Variants in NEXN observed in about 807,000 individuals in gnomAD.
NEXN encodes nexilin F-actin binding protein, also known as nexilin.
Under a neutral mutation model 92.6 loss-of-function variants are expected in NEXN, and 65 were observed. The ratio of observed to expected loss-of-function variants is 0.70; its 90% CI spans 0.57 to 0.86. The LOEUF is 0.86. Ranked by LOEUF, NEXN falls within the 40% of genes least tolerant of loss-of-function variation. The pLI is 0.00. For missense variants in NEXN, 778 were observed against 771.1 expected (o/e 1.01, Z -0.11); for synonymous variants, 254 against 242.5 (o/e 1.05, Z -0.44).
At chr1:77,915,944 G>C (rs901874332) in intron 1 of NEXN, 111 bp from the exon 2 acceptor site, 3 of 269,304 alleles carry the variant, frequency 1.1e-5, no homozygotes, top group Non-Finnish European at 2.1e-5. Flanking sequence ...TTACTTGCTT[G>C]AATCATGTCA....
chr1:77,908,587 A>ATGGG (rs1275946668), intron 1 of NEXN, among the ~76,000 whole-genome samples: 1 of 151,348 alleles, frequency 6.6e-6, no homozygotes, highest in African/African-American at 2.4e-5. Context: ...TTTAGTAGAG[A>ATGGG]TGGGCTTTCT....
chr1:77,936,331 T>TA (rs1442730035), intron 11 of NEXN, among the ~76,000 whole-genome samples: 1 of 152,234 alleles, frequency 6.6e-6, no homozygotes, highest in African/African-American at 2.4e-5. Context: ...CTCACGCCTA[T>TA]AATCCCAGCA....
intron 1 of NEXN, among the ~76,000 whole-genome samples, chr1:77,901,519 T>C (rs1216710314): frequency 1.3e-5 from 2 of 152,158 alleles, no homozygotes; most frequent in Non-Finnish European, 2.9e-5. Context: ...CAACCTTATC[T>C]TTTGGTCACT....
intron 11 of NEXN, among the ~76,000 whole-genome samples, chr1:77,940,679 A>G (rs1651190116): frequency 6.6e-6 from 1 of 152,226 alleles, no homozygotes; most frequent in South Asian, 2.1e-4. Context: ...AAACAACAAA[A>G]AAAGTGTATA....
intron 6 of NEXN, 152 bp from the exon 7 acceptor site, chr1:77,926,262 G>A: frequency 1.8e-6 from 1 of 569,906 alleles, no homozygotes; most frequent in East Asian, 3.0e-5. Context: ...AGAATTTAGA[G>A]TAGGAGATAT....
chr1:77,909,605 C>T (rs910887443), intron 1 of NEXN, among the ~76,000 whole-genome samples: 5 of 151,934 alleles, frequency 3.3e-5, no homozygotes, highest in African/African-American at 1.2e-4. Flanking sequence ...CTTTAATTTA[C>T]TCCTTTATTT....
intron 1 of NEXN, among the ~76,000 whole-genome samples, chr1:77,915,486 G>A (rs1392018363): frequency 4.6e-5 from 7 of 152,078 alleles, no homozygotes; most frequent in Admixed American, 2.0e-4. Flanking sequence ...AAAATTAGCC[G>A]GACGTGGCGG....
rs547659912 is a variant in NEXN, at chr1:77,912,003, C to T, written c.-52-4052C>T. On this transcript the variant is annotated intron_variant, in intron 1 of 12. Coordinates refer to ENST00000334785, the MANE Select transcript of NEXN (RefSeq NM_144573.4). ...CTGAGGCAGGAGAATTGCTTGAACC[C>T]GGGAGGCAGAGGTTGCAGTGAGCCG... 4.6e-3 allele frequency among the ~76,000 whole-genome samples: 694 copies of T among 150,562 alleles called. 8 individuals are homozygous for T. The highest frequency in any genetic ancestry group is 0.016 in the African/African-American group (669 of 40,942).
Position 77,936,042 on chromosome 1 carries a change from G to A in NEXN, c.1471G>A (p.Glu491Lys). 1 of 1,596,556 alleles carries A rather than the reference G, an allele frequency of 6.3e-7. No homozygotes were observed. The highest frequency in any genetic ancestry group is 1.3e-5 in the African/African-American group (1 of 74,654). ...IKEREAENFHEEDDVDVRPAR... is the reference protein window; with the variant it reads ...IKEREAENFHKEDDVDVRPAR... The stretch of plus-strand genomic sequence containing the variant: ...AGAGCGAGAAGCTGAAAATTTTCAT[G>A]AGGTATATTACCTTTATATTTAACA... The change falls in exon 11 of 13, where the codon GAG becomes AAG. Residue 491 changes from glutamate to lysine, a missense_variant and splice_region_variant. By Grantham distance (56) the Glu-to-Lys change is moderately conservative (BLOSUM62 1). Transcript: ENST00000334785.
chr1:77,908,181 G>A (rs531562660), intron 1 of NEXN, among the ~76,000 whole-genome samples: 1 of 152,200 alleles, frequency 6.6e-6, no homozygotes, highest in Admixed American at 6.5e-5. Flanking sequence ...GGGCTCAAGC[G>A]ATCTTCCTGC....
chr1:77,922,839 C>A (rs1649539155), intron 5 of NEXN, among the ~76,000 whole-genome samples: 1 of 151,960 alleles, frequency 6.6e-6, no homozygotes, highest in Admixed American at 6.6e-5. Flanking sequence ...TCGTGATCCG[C>A]CCGCCTCGGC....
At chr1:77,912,469 G>A (rs983084923) in intron 1 of NEXN, among the ~76,000 whole-genome samples, 4 of 152,070 alleles carry the variant, frequency 2.6e-5, no homozygotes, top group Admixed American at 2.0e-4. Context: ...ATATGAAAAG[G>A]GAAAAGACTT....
rs572447748 is a variant in NEXN at position 77,911,485 on chromosome 1, G to A, written c.-52-4570G>A. Among the ~76,000 whole-genome samples the A allele has an allele frequency of 2.1e-4, 32 of 152,100 alleles. No individual in the cohort carries two copies. In the East Asian group the frequency reaches 6.2e-3, roughly 30 times the overall value. On this transcript the variant is annotated intron_variant, in intron 1 of 12. Transcript: ENST00000334785. ...CGGACACCTGTAATCCCAGCTACTT[G>A]GGAGGCTGAGGCAGGAGAATCGCTT...
chr1:77,939,297 G>C (rs982711949), intron 11 of NEXN, among the ~76,000 whole-genome samples: 1 of 152,158 alleles, frequency 6.6e-6, no homozygotes, highest in Non-Finnish European at 1.5e-5. Context: ...ATTTGGATAA[G>C]GTAAAGGCAG....
At chr1:77,935,164 A>G (rs947526796) in intron 10 of NEXN, among the ~76,000 whole-genome samples, 1 of 152,112 alleles carries the variant, frequency 6.6e-6, no homozygotes, top group Non-Finnish European at 1.5e-5. Context: ...CAGCCTCCCA[A>G]GTAGCTGGGA....
chr1:77,917,848 A>C lies in NEXN; in HGVS notation c.219+91A>C, dbSNP rs1415139055. The C allele has an allele frequency of 1.0e-5, 14 of 1,402,354 alleles. No homozygotes were observed. The East Asian group carries it at 2.1e-4, about 21-fold the overall frequency. The allele number at this position is 1,402,354 out of a possible 1,614,324, so 86.9% of individuals were successfully genotyped here. ...ATTCACATTAACCACATTTCACATTAACTATAACTAAAATACTTTTCTGTA... is the reference window on the plus strand; with the variant it reads ...ATTCACATTAACCACATTTCACATTCACTATAACTAAAATACTTTTCTGTA... On this transcript the variant is annotated intron_variant, in intron 3 of 12. Transcript: ENST00000334785.
At chr1:77,900,919 A>G (rs1036051012) in intron 1 of NEXN, among the ~76,000 whole-genome samples, 13 of 152,184 alleles carry the variant, frequency 8.5e-5, no homozygotes, top group African/African-American at 3.1e-4. Flanking sequence ...TGCCTACTCA[A>G]ACAAGAAAAA....
At position 77,926,715 on chromosome 1, in the gene NEXN, G is replaced by C. The variant is rs761030548; in HGVS notation, c.688-1G>C. 2.5e-6 allele frequency: 4 copies of C among 1,613,632 alleles called. No homozygotes were observed. The highest frequency in any genetic ancestry group is 3.4e-6 in the Non-Finnish European group (4 of 1,179,928). ...GGTGGGTTTTCATAACGTTTTCTTA[G>C]GATGATGAAATAGAAAGTGAAGCAA... On this transcript the variant is annotated splice_acceptor_variant, in intron 7 of 12. Transcript: ENST00000334785. LOFTEE classifies it high-confidence loss of function.
chr1:77,940,031 G>A (rs910765432), intron 11 of NEXN, among the ~76,000 whole-genome samples: 4 of 152,114 alleles, frequency 2.6e-5, no homozygotes, highest in Admixed American at 6.6e-5. Flanking sequence ...CCGAGATCAC[G>A]CCACTGCACT....
Sources: allele counts gnomAD v4.1 joint callset (sites outside exome capture counted in the v4.1 genomes callset), GRCh38; gene constraint gnomAD v4.1.1; transcripts MANE v1.5; gene names NCBI Gene and HGNC (gene_info 2026-07-23, HGNC 2026-07-21).